The following STAT4 variants were observed in gnomAD, a reference collection of about 807,000 sequenced individuals.
The protein encoded by STAT4 is signal transducer and activator of transcription 4.
In STAT4, 42 loss-of-function variants were observed where a neutral mutation model predicts 110.5. That is an observed-to-expected ratio of 0.38 (90% confidence interval 0.30 to 0.49). STAT4 has a LOEUF of 0.49. STAT4 is among the 20% of genes least tolerant of loss of function. The pLI is 0.95. For synonymous variants in STAT4, 284 were observed against 302.2 expected, an observed-to-expected ratio of 0.94 and a Z score of 0.63; for missense variants, 632 against 887.9, an observed-to-expected ratio of 0.71 and a Z score of 3.66.
chr2:191,080,089 C>T (rs1697420391), intron 3 of STAT4, among the ~76,000 whole-genome samples: 1 of 152,082 alleles, frequency 6.6e-6, no homozygotes, highest in African/African-American at 2.4e-5. Flanking sequence ...CACATTTAGA[C>T]TTTTATATAT....
rs114734303 is a variant in STAT4 at position 191,107,179 on chromosome 2, T to C, written c.274-30854A>G. Among the ~76,000 whole-genome samples, 2,467 of 152,184 alleles carry C rather than the reference T, an allele frequency of 0.016. 63 individuals carry two copies. Among genetic ancestry groups the C allele is most frequent in the African/African-American group, 0.056 (2,343 of 41,514 alleles). On this transcript the variant is annotated intron_variant, in intron 3 of 23. Transcript: ENST00000392320. This position sits in a 1 kb window ranked among gnomAD's most constrained non-coding sequence, Gnocchi z 4.2. ...TGGTTAAAAGCTTCAGGGTTTGAGG[T>C]GTCTTGTTTTGTGAGGTCTTTGGTA...
At chr2:191,132,148 G>C (rs908598290) in intron 3 of STAT4, among the ~76,000 whole-genome samples, 1 of 151,768 alleles carries the variant, frequency 6.6e-6, no homozygotes, top group Admixed American at 6.5e-5. Context: ...GTATGCATCA[G>C]TAGGGCTAGT....
At chr2:191,101,760 G>A (rs1272517085) in intron 3 of STAT4, among the ~76,000 whole-genome samples, 2 of 151,906 alleles carry the variant, frequency 1.3e-5, no homozygotes, top group African/African-American at 4.8e-5. Context: ...TGACCCATGA[G>A]TGTTCAATTG....
Position 191,117,740 on chromosome 2 carries a change from C to G in STAT4, c.273+28873G>C, listed in dbSNP as rs371893798. Among the ~76,000 whole-genome samples the G allele has an allele frequency of 6.6e-6, 1 of 152,136 alleles. No individual in the cohort carries two copies. The highest frequency in any genetic ancestry group is 1.5e-5 in the Non-Finnish European group (1 of 68,034). ...TACCCACATCCTAAATCCACCATTG[C>G]TTATTTTTCTTCCGATGCCTGGATG... On this transcript the variant is annotated intron_variant, in intron 3 of 23. Coordinates refer to ENST00000392320, the MANE Select transcript of STAT4 (RefSeq NM_003151.4). This position sits in a 1 kb window ranked among gnomAD's most constrained non-coding sequence, Gnocchi z 5.2.
At chr2:191,057,746 C>T (rs1696746879) in intron 13 of STAT4, among the ~76,000 whole-genome samples, 1 of 151,398 alleles carries the variant, frequency 6.6e-6, no homozygotes, top group Admixed American at 6.6e-5. Flanking sequence ...TTACAGGCGC[C>T]TGCCACCATG....
rs928561881 is a variant in STAT4, at chr2:191,128,787, T to C, written c.273+17826A>G. Among the ~76,000 whole-genome samples the C allele has an allele frequency of 2.6e-5, 4 of 152,218 alleles. 1 individual carries two copies. Among genetic ancestry groups the C allele is most frequent in the African/African-American group, 9.7e-5 (4 of 41,448 alleles). Reference sequence around the variant, plus strand: ...AATACTGTATAGGCAGTGAGATTACTAACCACAGAGTTAACACCAAAACGC... The same window carrying C: ...AATACTGTATAGGCAGTGAGATTACCAACCACAGAGTTAACACCAAAACGC... On this transcript the variant is annotated intron_variant, in intron 3 of 23. Transcript: ENST00000392320.
chr2:191,076,451 G>A lies in STAT4; in HGVS notation c.274-126C>T, dbSNP rs955583832. The stretch of plus-strand genomic sequence containing the variant: ...AAATATGTGAAATTACTTGGGATTT[G>A]TTCCAATACTCTGTTCCATTAGAAA... On this transcript the variant is annotated intron_variant, in intron 3 of 23. Transcript: ENST00000392320. 2.6e-5 allele frequency: 18 copies of A among 697,092 alleles called. No individual in the cohort carries two copies. The African/African-American group carries it at 3.3e-4, about 13-fold the overall frequency. The allele number at this position is 697,092 out of a possible 1,614,324, so 43.2% of individuals were successfully genotyped here.
chr2:191,116,950 A>G lies in STAT4; in HGVS notation c.273+29663T>C, dbSNP rs1698588537. Among the ~76,000 whole-genome samples the G allele has an allele frequency of 6.6e-6, 1 of 152,210 alleles. No homozygotes were observed. The highest frequency in any genetic ancestry group is 1.5e-5 in the Non-Finnish European group (1 of 68,038). On this transcript the variant is annotated intron_variant, in intron 3 of 23. Coordinates refer to ENST00000392320, the MANE Select transcript of STAT4 (RefSeq NM_003151.4). The surrounding 1 kb of genome is among the most constrained non-coding windows in gnomAD (Gnocchi z 4.1). ...ATCCCTCCCGTTGGAGTGGCAAAGA[A>G]TAATGAAATATACGTGAGATCTCCA...
chr2:191,095,320 GCAC>G (rs1697938890), intron 3 of STAT4, among the ~76,000 whole-genome samples: 1 of 152,084 alleles, frequency 6.6e-6, no homozygotes, highest in South Asian at 2.1e-4. Flanking sequence ...ATTCTTCTCA[GCAC>G]CACATCGCAC....
At chr2:191,125,506 G>T (rs865831864) in intron 3 of STAT4, among the ~76,000 whole-genome samples, 1 of 28,942 alleles carries the variant, frequency 3.5e-5, no homozygotes, top group African/African-American at 8.0e-5. Context: ...TATTATTATT[G>T]AGACAGGGCC....
intron 3 of STAT4, among the ~76,000 whole-genome samples, chr2:191,093,542 A>C (rs184263260): frequency 7.3e-4 from 111 of 152,332 alleles, no homozygotes; most frequent in African/African-American, 2.4e-3. Context: ...AATAGCATCA[A>C]CATCAACAAA....
In STAT4 at chr2:191,062,667, ACTTCCCTGCCACT is replaced by A. The variant is rs1696881787; in HGVS notation, c.941+82_941+94del. On this transcript the variant is annotated intron_variant, in intron 9 of 23. Coordinates refer to ENST00000392320, the MANE Select transcript of STAT4 (RefSeq NM_003151.4). This position sits in a 1 kb window ranked among gnomAD's most constrained non-coding sequence, Gnocchi z 4.9. ...TTCTCCCTGAGGCTCGTTGTTGAAT[ACTTCCCTGCCACT>A]CTTCCACCTAAACACCAAAACCTTA... is the stretch of plus-strand genomic sequence containing the variant. 1 of 1,386,662 alleles carries A rather than the reference ACTTCCCTGCCACT, an allele frequency of 7.2e-7. No homozygotes were observed. Among genetic ancestry groups the A allele is most frequent in the East Asian group, 2.4e-5 (1 of 41,880 alleles). The allele number at this position is 1,386,662 out of a possible 1,614,324, so 85.9% of individuals were successfully genotyped here.
At position 191,037,068 on chromosome 2, in the gene STAT4, C is replaced by T. The variant is rs962263492; in HGVS notation, c.1435-769G>A. On this transcript the variant is annotated intron_variant, in intron 16 of 23. Transcript: ENST00000392320. The surrounding 1 kb of genome is among the most constrained non-coding windows in gnomAD (Gnocchi z 4.8). ...TCAGTCTACTCATGCAAGAACTTAA[C>T]ATTGTCCAAAAAGTAATTTGACAGA... is the stretch of plus-strand genomic sequence containing the variant. Among the ~76,000 whole-genome samples, 8 of 152,154 alleles carry T rather than the reference C, an allele frequency of 5.3e-5. No homozygotes were observed. Among genetic ancestry groups the T allele is most frequent in the Non-Finnish European group, 1.2e-4 (8 of 68,034 alleles).
intron 16 of STAT4, among the ~76,000 whole-genome samples, chr2:191,036,544 C>A (rs1280959053): frequency 1.3e-5 from 2 of 152,178 alleles, no homozygotes; most frequent in African/African-American, 4.8e-5. Flanking sequence ...CCAGTATGAT[C>A]TCAGGAGTGG....
chr2:191,064,839 T>C lies in STAT4; in HGVS notation c.750A>G (p.Pro250=), dbSNP rs763524392. 5 of 1,613,200 alleles carry C rather than the reference T, an allele frequency of 3.1e-6. No individual in the cohort carries two copies. The African/African-American group carries it at 4.0e-5, about 13-fold the overall frequency. ...RRQQIACIGG[P]LHNGLDQLQN... ...GAAGCTGGTCGAGCCCATTGTGGAG[T>C]GGACCCCCGATGCAGGCGATTTGCT... The change falls in exon 8 of 24, where the codon CCA becomes CCG. Residue 250 remains proline (P), a synonymous_variant. Transcript: ENST00000392320.
intron 3 of STAT4, among the ~76,000 whole-genome samples, chr2:191,130,256 C>G (rs1369277491): frequency 1.8e-4 from 25 of 136,280 alleles, no homozygotes; most frequent in Non-Finnish European, 3.7e-4. Context: ...AGAATCTTGG[C>G]CTGCCGCCCA....
In STAT4 at chr2:191,097,502, A is replaced by G. The variant is rs180746470; in HGVS notation, c.274-21177T>C. Among the ~76,000 whole-genome samples, 482 of 152,280 alleles carry G rather than the reference A, an allele frequency of 3.2e-3. 4 individuals carry two copies. The highest frequency in any genetic ancestry group is 0.011 in the African/African-American group (453 of 41,526). Reference sequence around the variant, plus strand: ...CCATCTGATCTTTGACAAACCTGAGAAAAACAAGAAATGGGGAAAGGATTC... The same window carrying G: ...CCATCTGATCTTTGACAAACCTGAGGAAAACAAGAAATGGGGAAAGGATTC... On this transcript the variant is annotated intron_variant, in intron 3 of 23. Coordinates refer to ENST00000392320, the MANE Select transcript of STAT4 (RefSeq NM_003151.4).
At chr2:191,071,676 C>A (rs1031156932) in intron 5 of STAT4, among the ~76,000 whole-genome samples, 1 of 152,176 alleles carries the variant, frequency 6.6e-6, no homozygotes, top group Non-Finnish European at 1.5e-5. Context: ...GAGCTACATT[C>A]CAAATGTTCC....
chr2:191,068,775 A>G (rs1249374107), intron 6 of STAT4, among the ~76,000 whole-genome samples: 1 of 152,132 alleles, frequency 6.6e-6, no homozygotes, highest in Non-Finnish European at 1.5e-5. Context: ...CATCAGCACA[A>G]TTCCATCAAC....
Sources: allele counts gnomAD v4.1 joint callset (sites outside exome capture counted in the v4.1 genomes callset), GRCh38; gene constraint gnomAD v4.1.1; non-coding constraint Gnocchi (gnomAD v3.1); transcripts MANE v1.5; gene names NCBI Gene and HGNC (gene_info 2026-07-23, HGNC 2026-07-21).